Variants in GALNT7 observed in about 807,000 individuals in gnomAD.
The protein encoded by GALNT7 is polypeptide N-acetylgalactosaminyltransferase 7, also known as N-acetylgalactosaminyltransferase 7.
Under a neutral mutation model 82.1 loss-of-function variants are expected in GALNT7, and 60 were observed. The ratio of observed to expected loss-of-function variants is 0.73; its 90% CI spans 0.59 to 0.91. The LOEUF is 0.91. Among genes scored for constraint, GALNT7 ranks in the 40% least tolerant of loss-of-function variants. The pLI, the probability that GALNT7 is intolerant of heterozygous loss-of-function variation, is 0.00. For missense variants in GALNT7, 660 were observed against 804.2 expected (o/e 0.82, Z 2.17); for synonymous variants, 243 against 275.1 (o/e 0.88, Z 1.15).
intron 1 of GALNT7, among the ~76,000 whole-genome samples, chr4:173,174,209 T>A (rs1226908913): frequency 6.6e-6 from 1 of 151,952 alleles, no homozygotes; most frequent in Non-Finnish European, 1.5e-5. Context: ...GTCTGAGAAG[T>A]CTGGGGTTTA....
At chr4:173,245,640 G>A (rs1253673843) in intron 1 of GALNT7, among the ~76,000 whole-genome samples, 2 of 152,134 alleles carry the variant, frequency 1.3e-5, no homozygotes, top group East Asian at 1.9e-4. Flanking sequence ...GAACCAGTTT[G>A]TTACAACATT....
At chr4:173,226,118 G>C (rs1241504246) in intron 1 of GALNT7, among the ~76,000 whole-genome samples, 1 of 152,152 alleles carries the variant, frequency 6.6e-6, no homozygotes, top group East Asian at 1.9e-4. Context: ...TTCTGGGGTA[G>C]AACTGATCGC....
intron 5 of GALNT7, 43 bp from the exon 6 acceptor site, chr4:173,298,072 C>T (rs753728004): frequency 1.9e-6 from 3 of 1,595,744 alleles, no homozygotes; most frequent in South Asian, 2.2e-5. Context: ...TGGGTCCATA[C>T]ATACGCTTCC....
chr4:173,267,786 G>A (rs1735557762), intron 2 of GALNT7, among the ~76,000 whole-genome samples: 1 of 152,178 alleles, frequency 6.6e-6, no homozygotes, highest in African/African-American at 2.4e-5. Context: ...TACTTGGCTT[G>A]TAAAGTTATT....
At position 173,185,309 on chromosome 4, in the gene GALNT7, A is replaced by G. The variant is rs563298489; in HGVS notation, c.126+16348A>G. 1.3e-5 allele frequency among the ~76,000 whole-genome samples: 2 copies of G among 152,098 alleles called. 1 individual carries two copies. Among genetic ancestry groups the G allele is most frequent in the South Asian group, 4.2e-4 (2 of 4,816 alleles). On this transcript the variant is annotated intron_variant, in intron 1 of 11. Coordinates refer to ENST00000265000, the MANE Select transcript of GALNT7 (RefSeq NM_017423.3). ...TGTAGCAGCATGGACAGCCCATGTTATGTACAGAGTAAATGGTGCACTGGG... is the reference window on the plus strand; with the variant it reads ...TGTAGCAGCATGGACAGCCCATGTTGTGTACAGAGTAAATGGTGCACTGGG...
chr4:173,214,792 T>A (rs1284836532), intron 1 of GALNT7, among the ~76,000 whole-genome samples: 1 of 120,876 alleles, frequency 8.3e-6, no homozygotes. Flanking sequence ...CTTCCAAACT[T>A]ATGACTTGGA....
intron 1 of GALNT7, among the ~76,000 whole-genome samples, chr4:173,244,054 A>G (rs1295599770): frequency 6.6e-6 from 1 of 152,204 alleles, no homozygotes; most frequent in Non-Finnish European, 1.5e-5. Flanking sequence ...AGTCTAGTGC[A>G]GGGACTAGGG....
intron 2 of GALNT7, among the ~76,000 whole-genome samples, chr4:173,272,549 G>A (rs1454382377): frequency 2.0e-5 from 3 of 152,044 alleles, no homozygotes; most frequent in Non-Finnish European, 4.4e-5. Context: ...CTCACTCTTC[G>A]TGACTCACTC....
chr4:173,221,487 G>A (rs988021691), intron 1 of GALNT7, among the ~76,000 whole-genome samples: 4 of 152,200 alleles, frequency 2.6e-5, no homozygotes, highest in Non-Finnish European at 5.9e-5. Flanking sequence ...GGTCAGAGAT[G>A]TAATTCTTTG....
At chr4:173,215,860 A>G (rs1038691635) in intron 1 of GALNT7, among the ~76,000 whole-genome samples, 17 of 152,240 alleles carry the variant, frequency 1.1e-4, no homozygotes, top group Admixed American at 9.8e-4. Context: ...CCGTAATCCC[A>G]GCACTTTGGG....
At chr4:173,180,378 A>G (rs28523864) in intron 1 of GALNT7, among the ~76,000 whole-genome samples, 3,554 of 133,964 alleles carry the variant, frequency 0.027, 102 homozygotes, top group African/African-American at 0.083. Flanking sequence ...TGCAGGCCGG[A>G]GTGCAATGGC....
intron 2 of GALNT7, among the ~76,000 whole-genome samples, chr4:173,252,675 C>G (rs752148397): frequency 2.6e-5 from 4 of 152,140 alleles, no homozygotes; most frequent in Non-Finnish European, 5.9e-5. Context: ...ATGACTTCAC[C>G]TGCCTTCACA....
chr4:173,198,482 C>T (rs1394193241), intron 1 of GALNT7, among the ~76,000 whole-genome samples: 1 of 152,118 alleles, frequency 6.6e-6, no homozygotes, highest in African/African-American at 2.4e-5. Context: ...GAGTGTCCTT[C>T]TGTGAGGAGA....
intron 1 of GALNT7, among the ~76,000 whole-genome samples, chr4:173,205,676 G>GGGTCTGAAGTCTGGGGCTGT (rs530214791): frequency 6.6e-6 from 1 of 152,092 alleles, no homozygotes; most frequent in Admixed American, 6.5e-5. Flanking sequence ...TCACTGGGCT[G>GGGTCTGAAGTCTGGGGCTGT]GGTCTGAAGT....
chr4:173,267,994 C>T (rs1001903108), intron 2 of GALNT7, among the ~76,000 whole-genome samples: 1 of 152,038 alleles, frequency 6.6e-6, no homozygotes, highest in African/African-American at 2.4e-5. Flanking sequence ...GTACCCTCTT[C>T]ATTGTATTTC....
At chr4:173,306,970 C>T (rs1737177809) in intron 8 of GALNT7, among the ~76,000 whole-genome samples, 4 of 152,278 alleles carry the variant, frequency 2.6e-5, no homozygotes, top group Admixed American at 1.3e-4. Context: ...TGTGAGGGTA[C>T]TTGCTTGGTG....
chr4:173,208,710 C>T (rs1561154696), intron 1 of GALNT7, among the ~76,000 whole-genome samples: 2 of 152,190 alleles, frequency 1.3e-5, no homozygotes, highest in Non-Finnish European at 1.5e-5. Flanking sequence ...AGTTATCCTC[C>T]TTGTACCTCC....
At chr4:173,303,035 A>C (rs1335946649) in intron 7 of GALNT7, among the ~76,000 whole-genome samples, 2 of 152,106 alleles carry the variant, frequency 1.3e-5, no homozygotes, top group African/African-American at 4.8e-5. Flanking sequence ...TCTCTACTAA[A>C]ATACAAAAAA....
intron 1 of GALNT7, among the ~76,000 whole-genome samples, chr4:173,193,123 C>T (rs1207071552): frequency 6.6e-6 from 1 of 152,202 alleles, no homozygotes; most frequent in Non-Finnish European, 1.5e-5. Flanking sequence ...ATGATATGGA[C>T]AGGGACAAAC....
Sources: gnomAD v4.1 joint callset for allele counts (sites outside exome capture counted in the v4.1 genomes callset) on GRCh38, gnomAD v4.1.1 for gene constraint, MANE v1.5 for transcripts, NCBI Gene and HGNC (gene_info 2026-07-23, HGNC 2026-07-21) for gene names.